Variants in SYNPR observed in about 807,000 individuals in gnomAD.
The protein encoded by SYNPR is synaptoporin.
In SYNPR, 23 loss-of-function variants were observed where a neutral mutation model predicts 32.9. That is an observed-to-expected ratio of 0.70 (90% CI 0.50 to 0.99). SYNPR has a LOEUF of 0.99. SYNPR is among the 50% of genes least tolerant of loss of function. The pLI, the probability that SYNPR is intolerant of heterozygous loss-of-function variation, is 0.00. For synonymous variants in SYNPR, 146 were observed against 135.9 expected (o/e 1.07, Z -0.52); for missense variants, 318 against 349.3 (o/e 0.91, Z 0.71).
chr3:63,480,822 T>C lies in SYNPR; in HGVS notation c.85-10T>C, dbSNP rs368959043. 3.2e-5 allele frequency: 52 copies of C among 1,612,558 alleles called. No homozygotes were observed. The highest frequency in any genetic ancestry group is 4.2e-5 in the Non-Finnish European group (50 of 1,179,016). On this transcript the variant is annotated splice_polypyrimidine_tract_variant and intron_variant, in intron 2 of 5. Coordinates refer to ENST00000478300, the MANE Select transcript of SYNPR (RefSeq NM_001130003.2). ...TAACTGCCTTCTATTTGTTTAATTGTTCTCCACAGCTTTTTGCAATCTTTG... is the reference window on the plus strand; with the variant it reads ...TAACTGCCTTCTATTTGTTTAATTGCTCTCCACAGCTTTTTGCAATCTTTG...
chr3:63,312,516 T>A (rs2086978155), intron 2 of SYNPR, among the ~76,000 whole-genome samples: 1 of 151,856 alleles, frequency 6.6e-6, no homozygotes, highest in Non-Finnish European at 1.5e-5. Flanking sequence ...ATCTTCCCCT[T>A]CTGTCAGCAG....
chr3:63,358,002 G>A (rs2087605331), intron 2 of SYNPR, among the ~76,000 whole-genome samples: 1 of 152,144 alleles, frequency 6.6e-6, no homozygotes, highest in Admixed American at 6.5e-5. Flanking sequence ...CAGAATTGAG[G>A]GTTGAGGAGT....
At chr3:63,577,800 G>T (rs1233433270) in intron 4 of SYNPR, among the ~76,000 whole-genome samples, 5 of 152,100 alleles carry the variant, frequency 3.3e-5, no homozygotes, top group Non-Finnish European at 7.4e-5. Context: ...TGTTTCCAAG[G>T]CATGATGAAT....
intron 2 of SYNPR, among the ~76,000 whole-genome samples, chr3:63,412,765 T>A (rs2088484034): frequency 6.6e-6 from 1 of 152,104 alleles, no homozygotes; most frequent in Non-Finnish European, 1.5e-5. Flanking sequence ...GCCAGAGATG[T>A]AGGCAGAAGG....
At chr3:63,362,841 TA>T (rs1662884513) in intron 2 of SYNPR, among the ~76,000 whole-genome samples, 4 of 152,190 alleles carry the variant, frequency 2.6e-5, no homozygotes, top group Admixed American at 1.3e-4. Flanking sequence ...TTCCTTTTAG[TA>T]CCTTGATTCT....
chr3:63,248,740 G>A lies in SYNPR; in HGVS notation n.67-3759G>A, dbSNP rs118012348. ...ATTTGAATTGAAACCAAAATCCATT[G>A]TGCTAATTAGTTATTGGAATCTTGG... is the stretch of plus-strand genomic sequence containing the variant. On this transcript the variant is annotated intron_variant and non_coding_transcript_variant, in intron 1 of 4. Transcript: ENST00000478456. 3.4e-4 allele frequency among the ~76,000 whole-genome samples: 52 copies of A among 152,230 alleles called. No individual in the cohort carries two copies. The East Asian group carries it at 8.9e-3, about 26-fold the overall frequency.
At chr3:63,258,566 A>G (rs2086408792) in intron 2 of SYNPR, among the ~76,000 whole-genome samples, 1 of 152,228 alleles carries the variant, frequency 6.6e-6, no homozygotes, top group African/African-American at 2.4e-5. Context: ...GGGCATATTC[A>G]AAGCAGTGCG....
intron 2 of SYNPR, among the ~76,000 whole-genome samples, chr3:63,418,052 A>G (rs1226200133): frequency 6.6e-6 from 1 of 152,194 alleles, no homozygotes; most frequent in Admixed American, 6.5e-5. Context: ...TCATATTGTC[A>G]GGCTGCAAAT....
In SYNPR at chr3:63,365,968, T is replaced by C. The variant is rs771757695; in HGVS notation, c.84+87226T>C. 3.9e-5 allele frequency among the ~76,000 whole-genome samples: 6 copies of C among 152,218 alleles called. No homozygotes were observed. The South Asian group carries it at 6.2e-4, about 16-fold the overall frequency. Reference sequence around the variant, plus strand: ...TCTGTGGGAAGCTTTTGATGTTCTATTCCCTTCTTTCCTTTGCTGCAGCAA... The same window carrying C: ...TCTGTGGGAAGCTTTTGATGTTCTACTCCCTTCTTTCCTTTGCTGCAGCAA... On this transcript the variant is annotated intron_variant, in intron 2 of 5. Transcript: ENST00000478300.
rs76651262 is a variant in SYNPR at position 63,585,780 on chromosome 3, T to G, written c.409-23345T>G. Among the ~76,000 whole-genome samples the G allele has an allele frequency of 2.2e-4, 33 of 152,242 alleles. No homozygotes were observed. In the East Asian group the frequency reaches 5.8e-3, roughly 27 times the overall value. ...GATTATTACTTTTTAATTCTTGCAATAACCCTCTAAGACAAGGTATAAATT... is the reference window on the plus strand; with the variant it reads ...GATTATTACTTTTTAATTCTTGCAAGAACCCTCTAAGACAAGGTATAAATT... On this transcript the variant is annotated intron_variant, in intron 4 of 5. Coordinates refer to ENST00000478300, the MANE Select transcript of SYNPR (RefSeq NM_001130003.2).
At position 63,408,307 on chromosome 3, in the gene SYNPR, GGAAGGAAGGAAGGAAAGAAAGAAA is replaced by G. The variant is rs2088409297; in HGVS notation, c.85-72521_85-72498del. On this transcript the variant is annotated intron_variant, in intron 2 of 5. Coordinates refer to ENST00000478300, the MANE Select transcript of SYNPR (RefSeq NM_001130003.2). The stretch of plus-strand genomic sequence containing the variant: ...AGGAAGGAAGGAAGGAAGGAAGGAA[GGAAGGAAGGAAGGAAAGAAAGAAA>G]GAAAGAAAGAAAGAAAGAAAGAAAG... Among the ~76,000 whole-genome samples, 3 of 89,070 alleles carry G rather than the reference GGAAGGAAGGAAGGAAAGAAAGAAA, an allele frequency of 3.4e-5. 1 individual carries two copies. The highest frequency in any genetic ancestry group is 2.2e-4 in the African/African-American group (3 of 13,818). 58.4% of individuals were successfully genotyped at this position (89,070 alleles called of 152,430 possible). A position where few individuals can be genotyped will look rare whatever the true frequency, so the allele number is the denominator to read the frequency against.
At chr3:63,304,568 G>A (rs1353452459) in intron 2 of SYNPR, among the ~76,000 whole-genome samples, 2 of 151,818 alleles carry the variant, frequency 1.3e-5, no homozygotes, top group Admixed American at 6.6e-5. Context: ...CTTTCTCCTG[G>A]AGCCTCCCAG....
intron 3 of SYNPR, among the ~76,000 whole-genome samples, chr3:63,539,372 G>A (rs1295755416): frequency 1.3e-5 from 2 of 152,202 alleles, no homozygotes; most frequent in East Asian, 3.9e-4. Context: ...TTTTATGCAT[G>A]TGTGTCCCAA....
intron 2 of SYNPR, among the ~76,000 whole-genome samples, chr3:63,471,594 C>G (rs1286435528): frequency 6.6e-6 from 1 of 152,220 alleles, no homozygotes; most frequent in Non-Finnish European, 1.5e-5. Context: ...TACTGGGGGC[C>G]TCCTGTATAG....
At chr3:63,279,031 C>T (rs555370512) in intron 2 of SYNPR, among the ~76,000 whole-genome samples, 2 of 152,136 alleles carry the variant, frequency 1.3e-5, no homozygotes, top group Admixed American at 1.3e-4. Context: ...AGAAACCTCC[C>T]CCTTGGGAGA....
chr3:63,318,893 C>G (rs1473465358), intron 2 of SYNPR, among the ~76,000 whole-genome samples: 1 of 151,978 alleles, frequency 6.6e-6, no homozygotes, highest in Non-Finnish European at 1.5e-5. Context: ...TAGGCTCTGT[C>G]AGAGGGAAGA....
intron 3 of SYNPR, among the ~76,000 whole-genome samples, chr3:63,269,586 T>G (rs1251530857): frequency 6.6e-6 from 1 of 152,198 alleles, no homozygotes; most frequent in African/African-American, 2.4e-5. Context: ...TAGCACCAAT[T>G]GTGTCTCAGA....
chr3:63,570,994 C>T (rs987620332), intron 4 of SYNPR, among the ~76,000 whole-genome samples: 3 of 152,100 alleles, frequency 2.0e-5, no homozygotes, highest in Admixed American at 6.6e-5. Context: ...ATATAGACTA[C>T]GCACTCTCCA....
chr3:63,569,020 A>G (rs1702841069), intron 4 of SYNPR, among the ~76,000 whole-genome samples: 1 of 152,234 alleles, frequency 6.6e-6, no homozygotes, highest in Non-Finnish European at 1.5e-5. Flanking sequence ...ATGCTTAGTA[A>G]CAGTTTATTT....
Sources: gnomAD v4.1 joint callset for allele counts (sites outside exome capture counted in the v4.1 genomes callset) on GRCh38, gnomAD v4.1.1 for gene constraint, MANE v1.5 for transcripts, NCBI Gene and HGNC (gene_info 2026-07-23, HGNC 2026-07-21) for gene names.